The following ADAMTS19 variants were observed in gnomAD, a reference collection of about 807,000 sequenced individuals.
ADAMTS19 encodes ADAM metallopeptidase with thrombospondin type 1 motif 19, also known as A disintegrin and metalloproteinase with thrombospondin motifs 19.
Under a neutral mutation model 153.3 loss-of-function variants are expected in ADAMTS19, and 93 were observed. That is an observed-to-expected ratio of 0.61 (90% CI 0.51 to 0.72). ADAMTS19 has a LOEUF of 0.72. ADAMTS19 is among the 30% of genes least tolerant of loss of function. The pLI is 0.00. For missense variants in ADAMTS19, 1,482 were observed against 1,552.1 expected (o/e 0.95, Z 0.76); for synonymous variants, 600 against 556.6 (o/e 1.08, Z -1.10).
intron 1 of ADAMTS19, 130 bp downstream of exon 1, chr5:129,460,612 C>T: frequency 1.0e-6 from 1 of 1,001,306 alleles, no homozygotes. Flanking sequence ...TAAAAATGAG[C>T]TTGAGGTGCA....
At chr5:129,584,508 C>T (rs1187400177) in intron 7 of ADAMTS19, among the ~76,000 whole-genome samples, 7 of 152,180 alleles carry the variant, frequency 4.6e-5, no homozygotes, top group African/African-American at 1.7e-4. Flanking sequence ...CGCCCCTTCA[C>T]CCAGGTGCTC....
intron 2 of ADAMTS19, among the ~76,000 whole-genome samples, chr5:129,491,098 T>C (rs1054551536): frequency 1.3e-5 from 2 of 152,118 alleles, no homozygotes; most frequent in African/African-American, 4.8e-5. Context: ...ACCTCCCAGG[T>C]TCACGCCATT....
intron 2 of ADAMTS19, among the ~76,000 whole-genome samples, chr5:129,480,777 G>A (rs766390300): frequency 1.3e-5 from 2 of 152,076 alleles, no homozygotes; most frequent in Non-Finnish European, 2.9e-5. Flanking sequence ...CTACAGTAGA[G>A]TACTACTCAG....
intron 6 of ADAMTS19, among the ~76,000 whole-genome samples, chr5:129,530,817 GAAAA>G (rs762745159): frequency 1.5e-5 from 2 of 130,416 alleles, no homozygotes; most frequent in Non-Finnish European, 3.3e-5. Flanking sequence ...AGTAAAGCAG[GAAAA>G]AAAAAAAAGG....
At chr5:129,562,224 A>G (rs2126845093) in intron 7 of ADAMTS19, among the ~76,000 whole-genome samples, 1 of 152,356 alleles carries the variant, frequency 6.6e-6, no homozygotes, top group African/African-American at 2.4e-5. Flanking sequence ...AGCCTGCAAC[A>G]GAAATGCTTT....
At chr5:129,618,665 T>C (rs1468012718) in intron 8 of ADAMTS19, among the ~76,000 whole-genome samples, 2 of 152,010 alleles carry the variant, frequency 1.3e-5, no homozygotes, top group Non-Finnish European at 2.9e-5. Context: ...TAACAGTTCT[T>C]TTAATTTCAT....
chr5:129,538,198 C>G (rs1752526350), intron 6 of ADAMTS19, among the ~76,000 whole-genome samples: 2 of 152,048 alleles, frequency 1.3e-5, no homozygotes, highest in African/African-American at 4.8e-5. Flanking sequence ...TTACAGAAAA[C>G]TGATAAGTAC....
chr5:129,543,413 C>T (rs1752734145), intron 6 of ADAMTS19, among the ~76,000 whole-genome samples: 1 of 152,090 alleles, frequency 6.6e-6, no homozygotes, highest in Non-Finnish European at 1.5e-5. Context: ...GAGAAAAACA[C>T]TAAAATTTGT....
intron 14 of ADAMTS19, among the ~76,000 whole-genome samples, chr5:129,658,317 G>GAAAGAAAGAAAGAAAGAA (rs1554103304): frequency 0.014 from 543 of 38,450 alleles, 3 homozygotes; most frequent in South Asian, 0.038. Context: ...GAAAAAGAAA[G>GAAAGAAAGAAAGAAAGAA]AAAGAAAGAA....
At chr5:129,669,775 GTTTTCA>G (rs895676172) in intron 16 of ADAMTS19, among the ~76,000 whole-genome samples, 8 of 151,438 alleles carry the variant, frequency 5.3e-5, no homozygotes, top group African/African-American at 1.7e-4. Context: ...GGCATGTTGA[GTTTTCA>G]TTTGTCTCCA....
chr5:129,730,151 A>G (rs758267962), intron 21 of ADAMTS19, among the ~76,000 whole-genome samples: 2 of 152,082 alleles, frequency 1.3e-5, no homozygotes, highest in African/African-American at 2.4e-5. Context: ...TATCCATTGT[A>G]TAGAGTGGTA....
chr5:129,612,601 A>C (rs1261254085), intron 8 of ADAMTS19, among the ~76,000 whole-genome samples: 1 of 152,088 alleles, frequency 6.6e-6, no homozygotes, highest in African/African-American at 2.4e-5. Flanking sequence ...ATTGTAAAGA[A>C]CATCGATGCT....
chr5:129,734,910 A>G, intron 21 of ADAMTS19, 22 bp from the exon 22 acceptor site: 1 of 1,523,266 alleles, frequency 6.6e-7, no homozygotes, highest in East Asian at 2.4e-5. Context: ...AAGAACCTAA[A>G]CAAACCTTGT....
chr5:129,640,688 C>T lies in ADAMTS19; in HGVS notation c.1771-1171C>T, dbSNP rs544626437. Among the ~76,000 whole-genome samples, 7 of 152,170 alleles carry T rather than the reference C, an allele frequency of 4.6e-5. No homozygotes were observed. In the South Asian group the frequency reaches 1.5e-3, roughly 32 times the overall value. ...TTCCTACTCCCTTTGCACCAGTCTG[C>T]TCACCTTTTCATAACTATGCCTTCC... On this transcript the variant is annotated intron_variant, in intron 10 of 22. Coordinates refer to ENST00000274487, the MANE Select transcript of ADAMTS19 (RefSeq NM_133638.6).
chr5:129,614,232 A>C (rs980379569), intron 8 of ADAMTS19, among the ~76,000 whole-genome samples: 1 of 152,118 alleles, frequency 6.6e-6, no homozygotes, highest in African/African-American at 2.4e-5. Context: ...AGACACACAA[A>C]AAAAGAGAAT....
At chr5:129,553,104 A>C (rs1225140550) in intron 7 of ADAMTS19, among the ~76,000 whole-genome samples, 1 of 152,112 alleles carries the variant, frequency 6.6e-6, no homozygotes, top group Non-Finnish European at 1.5e-5. Context: ...TAACCATGGA[A>C]GCTTTTGATT....
At chr5:129,510,686 A>T (rs79859712) in intron 3 of ADAMTS19, among the ~76,000 whole-genome samples, 3,434 of 151,898 alleles carry the variant, frequency 0.023, 143 homozygotes, top group African/African-American at 0.078. Flanking sequence ...CTTTTGAATA[A>T]TTGTTAAGTT....
At chr5:129,600,858 G>GTTATTA (rs67558720) in intron 8 of ADAMTS19, among the ~76,000 whole-genome samples, 544 of 150,630 alleles carry the variant, frequency 3.6e-3, no homozygotes, top group African/African-American at 0.011. Context: ...AGTAGTAGGA[G>GTTATTA]TTATTATTAT....
intron 3 of ADAMTS19, among the ~76,000 whole-genome samples, chr5:129,522,973 G>A (rs746391293): frequency 1.3e-4 from 20 of 151,102 alleles, no homozygotes; most frequent in African/African-American, 2.4e-4. Flanking sequence ...GGAGAATCAC[G>A]AGAACCCAGA....
Sources: gnomAD v4.1 joint callset for allele counts (sites outside exome capture counted in the v4.1 genomes callset) on GRCh38, gnomAD v4.1.1 for gene constraint, MANE v1.5 for transcripts, NCBI Gene and HGNC (gene_info 2026-07-23, HGNC 2026-07-21) for gene names.